Variants in MGRN1 observed in about 807,000 individuals in gnomAD.
The protein encoded by MGRN1 is E3 ubiquitin-protein ligase MGRN1.
MGRN1 carries 29 observed loss-of-function variants against 69.2 expected under a neutral mutation model. The observed-to-expected ratio is 0.42, with a 90% CI of 0.31 to 0.57. MGRN1 has a LOEUF of 0.57. Among genes scored for constraint, MGRN1 ranks in the 20% least tolerant of loss-of-function variants. The probability of loss-of-function intolerance (pLI) is 0.15; values close to 1 mark genes in which losing one functional copy is unlikely to be tolerated. For missense variants in MGRN1, 998 were observed against 796.2 expected, an observed-to-expected ratio of 1.25 and a Z score of -3.05; for synonymous variants, 470 against 344.2, an observed-to-expected ratio of 1.37 and a Z score of -4.04.
chr16:4,686,405 C>G, intron 16 of MGRN1: 1 of 1,480,432 alleles, frequency 6.8e-7, no homozygotes, highest in Non-Finnish European at 8.9e-7. Context: ...GTTTTTGGGT[C>G]TTCGTCCGCA....
chr16:4,648,960 C>T (rs2078342122), intron 1 of MGRN1: 1 of 159,448 alleles, frequency 6.3e-6, no homozygotes, highest in African/African-American at 2.4e-5. Flanking sequence ...GGCTGTGTGC[C>T]AGGAGAAATG....
chr16:4,673,707 T>C, intron 10 of MGRN1, 50 bp downstream of exon 10: 2 of 1,598,930 alleles, frequency 1.3e-6, no homozygotes, highest in Non-Finnish European at 1.7e-6. Flanking sequence ...AATTAGGGAC[T>C]GGCCACACCA....
In MGRN1 at chr16:4,686,384, G is replaced by T. The variant is rs930904312; in HGVS notation, c.1619-2412G>T. On this transcript the variant is annotated intron_variant, in intron 16 of 16. Transcript: ENST00000262370. ...GAGCCCTCCCCTGCTCTCTGGCGGGGGTTCCTTCTGGTTTTTGGGTCTTCG... is the reference window on the plus strand; with the variant it reads ...GAGCCCTCCCCTGCTCTCTGGCGGGTGTTCCTTCTGGTTTTTGGGTCTTCG... The T allele has an allele frequency of 1.5e-5, 22 of 1,502,294 alleles. No homozygotes were observed. The Admixed American group carries it at 2.0e-4, about 14-fold the overall frequency. 93.1% of individuals were successfully genotyped at this position (1,502,294 alleles called of 1,614,324 possible). A position where few individuals can be genotyped will look rare whatever the true frequency, so the allele number is the denominator to read the frequency against.
intron 5 of MGRN1, among the ~76,000 whole-genome samples, chr16:4,661,740 C>T (rs908413076): frequency 6.6e-6 from 1 of 152,250 alleles, no homozygotes; most frequent in Non-Finnish European, 1.5e-5. Context: ...GCGTTGTTGT[C>T]CATCCCATGG....
intron 4 of MGRN1, among the ~76,000 whole-genome samples, chr16:4,656,914 T>G (rs867942085): frequency 2.8e-5 from 4 of 143,482 alleles, no homozygotes; most frequent in African/African-American, 8.5e-5. Flanking sequence ...AATAAATAAA[T>G]AAATAAATAA....
chr16:4,681,678 G>A lies in MGRN1; in HGVS notation c.1260G>A (p.Ser420=), dbSNP rs373817414. Residue 420 remains serine (S), a synonymous_variant, in exon 13 of 17, where the codon TCG becomes TCA. Coordinates refer to ENST00000262370, the MANE Select transcript of MGRN1 (RefSeq NM_015246.4). ...AAGAAATCACCTATTCAGGCATCTC[G>A]GACGGCCTGTCCCAGGCCAGCTGTC... The part of the protein sequence containing the change: ...LYEEITYSGI[S]DGLSQASCPL... 81 of 1,613,304 alleles carry A rather than the reference G, an allele frequency of 5.0e-5. No individual in the cohort carries two copies. The highest frequency in any genetic ancestry group is 1.6e-4 in the Middle Eastern group (1 of 6,084).
intron 1 of MGRN1, 148 bp downstream of exon 1, chr16:4,625,196 C>G (rs1897607415): frequency 1.4e-6 from 1 of 713,534 alleles, no homozygotes; most frequent in Non-Finnish European, 2.0e-6. Context: ...GCCCCACGGC[C>G]CCGATCCCTA....
chr16:4,647,684 C>T (rs2078303372), intron 1 of MGRN1, among the ~76,000 whole-genome samples: 1 of 152,218 alleles, frequency 6.6e-6, no homozygotes, highest in Non-Finnish European at 1.5e-5. Flanking sequence ...CTGTGACTCG[C>T]TCCACATCGG....
intron 5 of MGRN1, among the ~76,000 whole-genome samples, chr16:4,662,055 G>A (rs57182903): frequency 0.016 from 2,436 of 152,202 alleles, 72 homozygotes; most frequent in African/African-American, 0.055. Flanking sequence ...AGCCTCCCTG[G>A]TTCGCAGTCG....
rs1259203267 is a variant in MGRN1 at position 4,677,584 on chromosome 16, C to T, written c.1065+12C>T. The T allele has an allele frequency of 1.3e-6, 2 of 1,597,560 alleles. No individual in the cohort carries two copies. The highest frequency in any genetic ancestry group is 2.2e-5 in the East Asian group (1 of 44,766). ...ATGATGAGCACTCTGTAAGTGCCGCCTCCTGCCTGCGGGATGGGCGGGAGA... is the reference window on the plus strand; with the variant it reads ...ATGATGAGCACTCTGTAAGTGCCGCTTCCTGCCTGCGGGATGGGCGGGAGA... On this transcript the variant is annotated intron_variant, in intron 11 of 16. Coordinates refer to ENST00000262370, the MANE Select transcript of MGRN1 (RefSeq NM_015246.4).
intron 4 of MGRN1, among the ~76,000 whole-genome samples, chr16:4,656,243 G>A (rs1384086161): frequency 6.6e-6 from 1 of 152,238 alleles, no homozygotes; most frequent in African/African-American, 2.4e-5. Context: ...GCAGAAGGGC[G>A]GTCCTTGAAG....
At chr16:4,661,850 C>T (rs2078689192) in intron 5 of MGRN1, among the ~76,000 whole-genome samples, 1 of 152,248 alleles carries the variant, frequency 6.6e-6, no homozygotes, top group Non-Finnish European at 1.5e-5. Context: ...CAGATGGCTG[C>T]CTGCCCAGGG....
chr16:4,683,078 C>T (rs907545206), intron 14 of MGRN1, 132 bp downstream of exon 14: 25 of 1,489,426 alleles, frequency 1.7e-5, no homozygotes, highest in South Asian at 1.0e-4. Context: ...CTGAGCTGCG[C>T]GGCTCCTTAG....
chr16:4,650,682 C>T (rs554289551), intron 2 of MGRN1, 199 bp downstream of exon 2: 26 of 445,854 alleles, frequency 5.8e-5, no homozygotes, highest in African/African-American at 4.5e-4. Flanking sequence ...CCCCTAGAGG[C>T]CAGATGGCCA....
chr16:4,662,806 C>A lies in MGRN1; in HGVS notation c.562-1903C>A, dbSNP rs140275961. On this transcript the variant is annotated intron_variant, in intron 5 of 16. Transcript: ENST00000262370. Reference sequence around the variant, plus strand: ...AGGGGAGAGGAGACATCCTATGTGTCTGTTGGTTCTGAGCATTGCTGTTCA... The same window carrying A: ...AGGGGAGAGGAGACATCCTATGTGTATGTTGGTTCTGAGCATTGCTGTTCA... Among the ~76,000 whole-genome samples, 175 of 152,296 alleles carry A rather than the reference C, an allele frequency of 1.1e-3. 2 individuals carry two copies. The highest frequency in any genetic ancestry group is 3.8e-3 in the African/African-American group (160 of 41,568).
At chr16:4,656,030 C>G (rs1413973785) in intron 4 of MGRN1, among the ~76,000 whole-genome samples, 5 of 152,228 alleles carry the variant, frequency 3.3e-5, no homozygotes, top group Admixed American at 6.5e-5. Context: ...AGTGGTGGCC[C>G]CCCCACGCCC....
chr16:4,637,277 A>G (rs1018265421), intron 1 of MGRN1, among the ~76,000 whole-genome samples: 6 of 151,558 alleles, frequency 4.0e-5, no homozygotes, highest in African/African-American at 1.2e-4. Context: ...TAAAAATTCA[A>G]AAATTAGCTG....
chr16:4,628,837 G>A (rs1897836745), intron 1 of MGRN1, among the ~76,000 whole-genome samples: 1 of 151,648 alleles, frequency 6.6e-6, no homozygotes, highest in South Asian at 2.1e-4. Flanking sequence ...GAGCCACTAT[G>A]CCCAGCCTTT....
rs75345593 is a variant in MGRN1, at chr16:4,654,949, C to T, written c.443+2125C>T. 9.8e-4 allele frequency among the ~76,000 whole-genome samples: 149 copies of T among 152,324 alleles called. 1 individual carries two copies. The highest frequency in any genetic ancestry group is 3.2e-3 in the African/African-American group (134 of 41,572). The stretch of plus-strand genomic sequence containing the variant: ...TGTTCTTTGAGGCTCTACCTTGCCC[C>T]GGCACTTGATTATATTTCTTTAATG... On this transcript the variant is annotated intron_variant, in intron 4 of 16. Transcript: ENST00000262370.
Sources: gnomAD v4.1 joint callset for allele counts (sites outside exome capture counted in the v4.1 genomes callset) on GRCh38, gnomAD v4.1.1 for gene constraint, MANE v1.5 for transcripts, NCBI Gene and HGNC (gene_info 2026-07-23, HGNC 2026-07-21) for gene names.